Variants in EFCAB5 observed in about 807,000 individuals in gnomAD.
EFCAB5 encodes EF-hand calcium binding domain 5.
Under a neutral mutation model 167.9 loss-of-function variants are expected in EFCAB5, and 131 were observed. The ratio of observed to expected loss-of-function variants is 0.78; its 90% CI spans 0.68 to 0.90. The LOEUF (loss-of-function observed/expected upper bound fraction) is 0.90. Among genes scored for constraint, EFCAB5 ranks in the 40% least tolerant of loss-of-function variants. The pLI is 0.00. For missense variants in EFCAB5, 1,663 were observed against 1,745.2 expected, an observed-to-expected ratio of 0.95 and a Z score of 0.84; for synonymous variants, 574 against 602.8, an observed-to-expected ratio of 0.95 and a Z score of 0.70.
chr17:30,080,550 G>A (rs1293741928), intron 16 of EFCAB5, among the ~76,000 whole-genome samples: 1 of 147,756 alleles, frequency 6.8e-6, no homozygotes. Flanking sequence ...ATCCAAGCTT[G>A]TTTTTTTTTT....
intron 13 of EFCAB5, 130 bp downstream of exon 13, chr17:30,058,020 C>T: frequency 2.7e-6 from 2 of 754,352 alleles, no homozygotes; most frequent in Non-Finnish European, 4.2e-6. Context: ...TTTCAACAAG[C>T]ATAGCCATTA....
At chr17:30,037,714 T>C (rs1048875417) in intron 8 of EFCAB5, among the ~76,000 whole-genome samples, 1 of 152,236 alleles carries the variant, frequency 6.6e-6, no homozygotes, top group Non-Finnish European at 1.5e-5. Context: ...CATACGTGCT[T>C]CAGCCAGGCA....
chr17:29,938,847 G>C (rs2067266475), upstream of EFCAB5, among the ~76,000 whole-genome samples: 2 of 152,082 alleles, frequency 1.3e-5, no homozygotes, highest in Non-Finnish European at 2.9e-5. Context: ...TGAAGTCCTG[G>C]GGCCCTCAAA....
At chr17:29,931,627 T>C (rs943169935) in intron 1 of EFCAB5, among the ~76,000 whole-genome samples, 7 of 152,028 alleles carry the variant, frequency 4.6e-5, no homozygotes, top group Non-Finnish European at 1.5e-5. Flanking sequence ...TCCCCAGAGC[T>C]CCGTAGTAAA....
At chr17:30,073,675 G>T in intron 14 of EFCAB5, 1 of 712,876 alleles carries the variant, frequency 1.4e-6, no homozygotes, top group South Asian at 1.5e-5. Context: ...TTCCTCTTGA[G>T]ACCAAATTTC....
Position 29,993,192 on chromosome 17 carries a change from A to G in EFCAB5, c.795A>G (p.Lys265=), listed in dbSNP as rs374743888. Residue 265 remains lysine, a synonymous_variant, in exon 5 of 23, where the codon AAA becomes AAG. Transcript: ENST00000394835. The stretch of plus-strand genomic sequence containing the variant: ...TATCCAAGATGAAGGAGAATGTTAA[A>G]CAGAATAGAAAACAAAGAGAAAGCA... ...NRVSKMKENV[K]QNRKQRESID... 1.2e-4 allele frequency: 189 copies of G among 1,612,422 alleles called. No homozygotes were observed. The highest frequency in any genetic ancestry group is 1.5e-4 in the Non-Finnish European group (182 of 1,179,208).
At chr17:30,048,034 T>C (rs898878808) in intron 8 of EFCAB5, among the ~76,000 whole-genome samples, 1 of 152,214 alleles carries the variant, frequency 6.6e-6, no homozygotes, top group African/African-American at 2.4e-5. Context: ...GATTACCAGA[T>C]ATTGATTCCA....
intron 4 of EFCAB5, among the ~76,000 whole-genome samples, chr17:29,986,810 G>A (rs1458872710): frequency 1.3e-5 from 2 of 151,742 alleles, no homozygotes; most frequent in Non-Finnish European, 2.9e-5. Context: ...ACCTCGCCCG[G>A]CTAATTTTTT....
chr17:30,000,808 G>C (rs915450863), intron 7 of EFCAB5, among the ~76,000 whole-genome samples: 1 of 152,082 alleles, frequency 6.6e-6, no homozygotes, highest in Admixed American at 6.5e-5. Context: ...TTCTGTGTTT[G>C]TCTATTTGTC....
intron 8 of EFCAB5, among the ~76,000 whole-genome samples, chr17:30,036,077 A>T (rs1407586997): frequency 6.9e-6 from 1 of 144,842 alleles, no homozygotes; most frequent in African/African-American, 2.5e-5. Context: ...ATTTATATAT[A>T]TTTTATATAT....
chr17:30,006,729 A>G (rs527748139), intron 7 of EFCAB5, among the ~76,000 whole-genome samples: 7 of 152,344 alleles, frequency 4.6e-5, no homozygotes, highest in African/African-American at 1.7e-4. Context: ...GGCTCACTGC[A>G]GCCTCAACCT....
At chr17:30,044,908 C>T (rs764500166) in intron 8 of EFCAB5, among the ~76,000 whole-genome samples, 1 of 152,128 alleles carries the variant, frequency 6.6e-6, no homozygotes, top group Non-Finnish European at 1.5e-5. Flanking sequence ...ACCCAAATGT[C>T]CATCGACTTG....
At position 30,068,850 on chromosome 17, in the gene EFCAB5, T is replaced by C. The variant is rs899602320; in HGVS notation, c.2737+9149T>C. 4 of 1,414,044 alleles carry C rather than the reference T, an allele frequency of 2.8e-6. No homozygotes were observed. The African/African-American group carries it at 4.2e-5, about 15-fold the overall frequency. The allele number at this position is 1,414,044 out of a possible 1,614,324, so 87.6% of individuals were successfully genotyped here. On this transcript the variant is annotated intron_variant, in intron 14 of 22. Transcript: ENST00000394835. ...TTCTTCTGGAACACAGGAAAGATTA[T>C]ATTAATGCTTATAGCCATACCATGT...
chr17:30,080,382 G>T, intron 16 of EFCAB5, 141 bp downstream of exon 16: 1 of 852,666 alleles, frequency 1.2e-6, no homozygotes, highest in Non-Finnish European at 1.7e-6. Flanking sequence ...GAAGCTGATG[G>T]CTTCCAGTCC....
intron 21 of EFCAB5, 90 bp from the exon 22 acceptor site, chr17:30,092,750 T>C: frequency 1.2e-6 from 1 of 843,402 alleles, no homozygotes; most frequent in Non-Finnish European, 1.8e-6. Flanking sequence ...TTAAAATCTA[T>C]ATAAATGGAA....
intron 8 of EFCAB5, among the ~76,000 whole-genome samples, chr17:30,040,255 T>G (rs1374565256): frequency 6.6e-6 from 1 of 152,192 alleles, no homozygotes; most frequent in African/African-American, 2.4e-5. Context: ...CCATCCAGCC[T>G]CCATCTTCCA....
chr17:30,099,150 CTT>C (rs1172419008), intron 22 of EFCAB5, among the ~76,000 whole-genome samples: 1 of 152,206 alleles, frequency 6.6e-6, no homozygotes, highest in African/African-American at 2.4e-5. Flanking sequence ...TTTCAGCTCT[CTT>C]GTATACATAC....
At chr17:29,961,508 T>C (rs1416206859) in intron 3 of EFCAB5, among the ~76,000 whole-genome samples, 1 of 152,202 alleles carries the variant, frequency 6.6e-6, no homozygotes, top group African/African-American at 2.4e-5. Flanking sequence ...CTTGGTGTTA[T>C]ATCCATGAAG....
chr17:30,088,951 T>A (rs940956766), intron 19 of EFCAB5, among the ~76,000 whole-genome samples: 6 of 152,102 alleles, frequency 3.9e-5, no homozygotes, highest in Admixed American at 6.6e-5. Flanking sequence ...ATGTATTTTT[T>A]AAATTATACT....
Sources: allele counts gnomAD v4.1 joint callset (sites outside exome capture counted in the v4.1 genomes callset), GRCh38; gene constraint gnomAD v4.1.1; transcripts MANE v1.5; gene names NCBI Gene and HGNC (gene_info 2026-07-23, HGNC 2026-07-21).